The following CRISPLD2 variants were observed in gnomAD, a reference collection of about 807,000 sequenced individuals.
The protein encoded by CRISPLD2 is cysteine rich secretory protein LCCL domain containing 2, also known as cysteine-rich secretory protein LCCL domain-containing 2.
CRISPLD2 carries 47 observed loss-of-function variants against 71.1 expected under a neutral mutation model. The observed-to-expected ratio is 0.66, with a 90% confidence interval of 0.52 to 0.84. The LOEUF is 0.84. CRISPLD2 is among the 40% of genes least tolerant of loss of function. CRISPLD2 has a pLI of 0.00. For synonymous variants in CRISPLD2, 317 were observed against 250.1 expected, an observed-to-expected ratio of 1.27 and a Z score of -2.52; for missense variants, 830 against 651.1, an observed-to-expected ratio of 1.27 and a Z score of -2.99.
At chr16:84,855,366 A>T (rs1917209310) in intron 6 of CRISPLD2, among the ~76,000 whole-genome samples, 1 of 152,202 alleles carries the variant, frequency 6.6e-6, no homozygotes, top group African/African-American at 2.4e-5. Flanking sequence ...CAAGTTGAGG[A>T]ACAAGAAAGC....
intron 2 of CRISPLD2, among the ~76,000 whole-genome samples, chr16:84,841,780 G>C (rs1207702612): frequency 6.6e-6 from 1 of 152,140 alleles, no homozygotes; most frequent in Non-Finnish European, 1.5e-5. Flanking sequence ...ATTTTTAGTA[G>C]AGACGGTGTT....
chr16:84,882,938 T>G (rs564847437), intron 13 of CRISPLD2, among the ~76,000 whole-genome samples: 1 of 152,208 alleles, frequency 6.6e-6, no homozygotes, highest in African/African-American at 2.4e-5. Flanking sequence ...CCTGCATTCA[T>G]AGCTACACTG....
intron 7 of CRISPLD2, among the ~76,000 whole-genome samples, chr16:84,868,418 G>C (rs1282580295): frequency 6.6e-6 from 1 of 152,082 alleles, no homozygotes; most frequent in Non-Finnish European, 1.5e-5. Flanking sequence ...GGTGAGCCTG[G>C]CTGGGTCTCC....
At chr16:84,853,137 T>C (rs764181780) in intron 5 of CRISPLD2, among the ~76,000 whole-genome samples, 2 of 151,548 alleles carry the variant, frequency 1.3e-5, no homozygotes, top group Non-Finnish European at 2.9e-5. Context: ...CAACCCTGAG[T>C]GTTAGGGTTG....
In CRISPLD2 at chr16:84,838,733, A is replaced by C; in HGVS notation, c.238A>C (p.Met80Leu). 1.9e-6 allele frequency: 3 copies of C among 1,612,482 alleles called. No individual in the cohort carries two copies. Among genetic ancestry groups the C allele is most frequent in the South Asian group, 2.2e-5 (2 of 91,018 alleles). Residue 80 changes from methionine to leucine, a missense_variant and splice_region_variant, in exon 2 of 15, where the codon ATG (methionine) becomes CTG (leucine). Met to Leu is a conservative substitution (Grantham distance 15). Coordinates refer to ENST00000262424, the MANE Select transcript of CRISPLD2 (RefSeq NM_031476.4). ...VQPQASNMEY[M>L]TWDDELEKSA... ...GCCTCAGGCCTCCAACATGGAGTAC[A>C]TGGTGAGCGCCGGCTCCGGCCGCAG...
At chr16:84,868,726 C>T (rs1349645045) in intron 7 of CRISPLD2, 125 bp from the exon 8 acceptor site, 1 of 787,278 alleles carries the variant, frequency 1.3e-6, no homozygotes, top group Non-Finnish European at 2.1e-6. Flanking sequence ...TCAGGCATTG[C>T]CCTTGCTCTT....
intron 8 of CRISPLD2, among the ~76,000 whole-genome samples, chr16:84,872,062 C>G (rs2143287197): frequency 6.6e-6 from 1 of 152,172 alleles, no homozygotes; most frequent in East Asian, 1.9e-4. Flanking sequence ...TACAGTGTAA[C>G]AACTATCTAC....
At chr16:84,837,746 G>C (rs927633021) in intron 1 of CRISPLD2, among the ~76,000 whole-genome samples, 1 of 151,598 alleles carries the variant, frequency 6.6e-6, no homozygotes, top group Admixed American at 6.6e-5. Context: ...GTAAAATGGG[G>C]ATGAGAACAG....
intron 14 of CRISPLD2, among the ~76,000 whole-genome samples, chr16:84,896,307 C>T (rs1011965104): frequency 2.0e-5 from 3 of 152,028 alleles, no homozygotes; most frequent in African/African-American, 7.2e-5. Flanking sequence ...CCTCAGCCTC[C>T]CAAAGTGCTG....
intron 14 of CRISPLD2, among the ~76,000 whole-genome samples, chr16:84,900,206 G>T (rs1019717854): frequency 1.3e-4 from 20 of 152,044 alleles, no homozygotes; most frequent in Non-Finnish European, 2.6e-4. Context: ...CGTTTCAAAA[G>T]TTCAATTCCA....
intron 6 of CRISPLD2, among the ~76,000 whole-genome samples, chr16:84,860,460 G>T (rs1343932134): frequency 7.0e-4 from 106 of 152,308 alleles, no homozygotes; most frequent in Non-Finnish European, 1.9e-4. Context: ...TCTAGTTATA[G>T]GTCTAGAAGC....
Position 84,872,436 on chromosome 16 carries a change from C to G in CRISPLD2, c.915-6C>G. On this transcript the variant is annotated splice_polypyrimidine_tract_variant and splice_region_variant and intron_variant, in intron 8 of 14. Coordinates refer to ENST00000262424, the MANE Select transcript of CRISPLD2 (RefSeq NM_031476.4). ...TCTGAACATCATTTTATTTCTTCCTCGTCAGGTACCAGTGCCCAGCAGGCT... is the reference window on the plus strand; with the variant it reads ...TCTGAACATCATTTTATTTCTTCCTGGTCAGGTACCAGTGCCCAGCAGGCT... 6.2e-7 allele frequency: 1 copy of G among 1,612,398 alleles called. No homozygotes were observed. The highest frequency in any genetic ancestry group is 8.5e-7 in the Non-Finnish European group (1 of 1,178,674).
intron 1 of CRISPLD2, among the ~76,000 whole-genome samples, chr16:84,830,555 T>G (rs1054014989): frequency 1.3e-5 from 2 of 151,962 alleles, no homozygotes; most frequent in African/African-American, 4.8e-5. Context: ...ATACAAAAAT[T>G]AGCCAGGCGT....
intron 1 of CRISPLD2, among the ~76,000 whole-genome samples, chr16:84,834,547 C>T (rs371668648): frequency 2.6e-5 from 4 of 152,234 alleles, no homozygotes; most frequent in East Asian, 1.9e-4. Flanking sequence ...GGCCTCCTAA[C>T]GTGCCTGTCT....
intron 5 of CRISPLD2, 143 bp from the exon 6 acceptor site, chr16:84,854,584 CTT>C: frequency 1.5e-6 from 1 of 670,128 alleles, no homozygotes; most frequent in Non-Finnish European, 2.7e-6. Flanking sequence ...GGATAGCCAT[CTT>C]TCCCGCTTCC....
At chr16:84,857,105 T>G (rs889188546) in intron 6 of CRISPLD2, among the ~76,000 whole-genome samples, 11 of 152,230 alleles carry the variant, frequency 7.2e-5, no homozygotes, top group Admixed American at 6.5e-4. Context: ...GAGGGCTCAG[T>G]GTTGGTCTTT....
At chr16:84,852,485 A>G (rs1304382525) in intron 5 of CRISPLD2, among the ~76,000 whole-genome samples, 1 of 152,154 alleles carries the variant, frequency 6.6e-6, no homozygotes, top group Non-Finnish European at 1.5e-5. Context: ...TCAACATCAC[A>G]TTGGTGAGGT....
chr16:84,842,379 A>AC (rs1555559590), intron 2 of CRISPLD2: 1 of 133,566 alleles, frequency 7.5e-6, no homozygotes, highest in Non-Finnish European at 1.5e-5. Context: ...TTTCTTTCTT[A>AC]TTGTTTTTTT....
At chr16:84,896,134 G>C (rs1248606492) in intron 14 of CRISPLD2, among the ~76,000 whole-genome samples, 1 of 151,842 alleles carries the variant, frequency 6.6e-6, no homozygotes, top group Non-Finnish European at 1.5e-5. Flanking sequence ...TGCCTCCTGG[G>C]TTCAGTGATT....
Sources: gnomAD v4.1 joint callset for allele counts (sites outside exome capture counted in the v4.1 genomes callset) on GRCh38, gnomAD v4.1.1 for gene constraint, MANE v1.5 for transcripts, NCBI Gene and HGNC (gene_info 2026-07-23, HGNC 2026-07-21) for gene names.